RWDD3: variants seen among roughly 807,000 people sequenced by gnomAD.
The protein encoded by RWDD3 is RWD domain-containing protein 3.
A neutral mutation model predicts 26.5 loss-of-function variants in RWDD3; 30 were observed. That is an observed-to-expected ratio of 1.13 (90% CI 0.85 to 1.54). The LOEUF (loss-of-function observed/expected upper bound fraction) is 1.54. Among genes scored for constraint, RWDD3 ranks in the 40% most tolerant of loss-of-function variants. The pLI, the probability that RWDD3 is intolerant of heterozygous loss-of-function variation, is 0.00. For missense variants in RWDD3, 296 were observed against 309.1 expected (o/e 0.96, Z 0.32); for synonymous variants, 113 against 114.5 (o/e 0.99, Z 0.09).
intron 1 of RWDD3, among the ~76,000 whole-genome samples, chr1:95,236,052 C>T (rs929043167): frequency 1.4e-4 from 21 of 152,148 alleles, no homozygotes; most frequent in Middle Eastern, 3.4e-3. Flanking sequence ...CTAGGCCTGG[C>T]GCGTGGCTCA....
chr1:95,240,034 G>A, intron 1 of RWDD3: 1 of 875,818 alleles, frequency 1.1e-6, no homozygotes, highest in Non-Finnish European at 1.6e-6. Flanking sequence ...TTCTTTTGTA[G>A]TAAAATCTCT....
At chr1:95,242,017 CT>C (rs1680650562) in intron 1 of RWDD3, among the ~76,000 whole-genome samples, 2 of 152,192 alleles carry the variant, frequency 1.3e-5, no homozygotes, top group Non-Finnish European at 2.9e-5. Context: ...GATTCGGCTG[CT>C]TTCAGCCAAA....
chr1:95,246,978 C>G lies in RWDD3; in HGVS notation c.*108C>G. The G allele has an allele frequency of 5.3e-6, 3 of 561,076 alleles. No individual in the cohort carries two copies. Among genetic ancestry groups the G allele is most frequent in the Admixed American group, 7.5e-5 (2 of 26,562 alleles). The allele number at this position is 561,076 out of a possible 1,614,324, so 34.8% of individuals were successfully genotyped here. On this transcript the variant is annotated 3_prime_UTR_variant, in exon 4 of 4. Coordinates refer to ENST00000370202, the MANE Select transcript of RWDD3 (RefSeq NM_015485.5). ...AGTCAATTTTAAAGTTTCTCTGAAG[C>G]AAAATGATAGGCATCATTCTAACTT...
At chr1:95,237,071 A>C (rs565755151) in intron 1 of RWDD3, among the ~76,000 whole-genome samples, 1 of 152,264 alleles carries the variant, frequency 6.6e-6, no homozygotes, top group South Asian at 2.1e-4. Context: ...AACTTAGGAC[A>C]TTTTGTTGCT....
In RWDD3 at chr1:95,246,782, A is replaced by T; in HGVS notation, c.716A>T (p.Tyr239Phe). 6.4e-7 allele frequency: 1 copy of T among 1,568,252 alleles called. No homozygotes were observed. Among genetic ancestry groups the T allele is most frequent in the South Asian group, 1.2e-5 (1 of 83,420 alleles). ...TTTCTGGCATTTGAAGTCAAAGAGT[A>T]TTCAGCGTTGGATGAATTACAAAAG... ...KRFLAFEVKE[Y>F]SALDELQKEF... The change falls in exon 4 of 4, where the codon TAT (tyrosine) becomes TTT (phenylalanine). Residue 239 changes from tyrosine (Y) to phenylalanine (F), a missense_variant. By Grantham distance (22) the Tyr-to-Phe change is conservative. Coordinates refer to ENST00000370202, the MANE Select transcript of RWDD3 (RefSeq NM_015485.5).
chr1:95,236,921 A>C (rs1368204599), intron 1 of RWDD3, among the ~76,000 whole-genome samples: 2 of 152,226 alleles, frequency 1.3e-5, no homozygotes, highest in Non-Finnish European at 2.9e-5. Context: ...GAAAGAAAAC[A>C]GTTTCTTAAT....
At chr1:95,242,641 G>A (rs1012190155) in intron 1 of RWDD3, among the ~76,000 whole-genome samples, 2 of 152,124 alleles carry the variant, frequency 1.3e-5, no homozygotes, top group African/African-American at 4.8e-5. Flanking sequence ...TAGTTAGGCC[G>A]GGTGCGGTGG....
chr1:95,238,494 T>G (rs906705973), intron 1 of RWDD3, among the ~76,000 whole-genome samples: 1 of 151,906 alleles, frequency 6.6e-6, no homozygotes, highest in African/African-American at 2.4e-5. Flanking sequence ...CACTGGTGTA[T>G]GCTTGCCTGG....
Position 95,244,401 on chromosome 1 carries a change from G to A in RWDD3, c.276G>A (p.Glu92=). The A allele has an allele frequency of 6.2e-7, 1 of 1,614,182 alleles. No homozygotes were observed. Among genetic ancestry groups the A allele is most frequent in the Middle Eastern group, 1.6e-4 (1 of 6,062 alleles). Residue 92 remains glutamate (E), a synonymous_variant, in exon 2 of 4, where the codon GAG becomes GAA. Coordinates refer to ENST00000370202, the MANE Select transcript of RWDD3 (RefSeq NM_015485.5). The stretch of plus-strand genomic sequence containing the variant: ...AAGAGAATTTACTTGAGCAAGCAGA[G>A]AGCCTTTTGTCGGAGCCTATGGTTC... The part of the protein sequence containing the change: ...TVKENLLEQA[E]SLLSEPMVHE...
At position 95,244,327 on chromosome 1, in the gene RWDD3, A is replaced by G. The variant is rs1351843134; in HGVS notation, c.202A>G (p.Ile68Val). 2 of 1,614,198 alleles carry G rather than the reference A, an allele frequency of 1.2e-6. No individual in the cohort carries two copies. Among genetic ancestry groups the G allele is most frequent in the African/African-American group, 2.7e-5 (2 of 75,048 alleles). Reference protein sequence around the residue: ...PVNYPSCLPGISINSEQLTRA... With the variant: ...PVNYPSCLPGVSINSEQLTRA... ...CAATTATCCTTCATGTCTACCTGGT[A>G]TCTCGATTAACTCTGAACAGTTGAC... The change falls in exon 2 of 4, where the codon ATC (isoleucine) becomes GTC (valine). Residue 68 changes from isoleucine (I) to valine (V), a missense_variant. Physicochemically the swap from Ile to Val is conservative, Grantham distance 29. Coordinates refer to ENST00000370202, the MANE Select transcript of RWDD3 (RefSeq NM_015485.5).
rs751774407 is a variant in RWDD3 at position 95,246,844 on chromosome 1, G to T, written c.778G>T (p.Glu260Ter). 2.6e-6 allele frequency: 4 copies of T among 1,549,242 alleles called. No homozygotes were observed. The highest frequency in any genetic ancestry group is 3.5e-6 in the Non-Finnish European group (4 of 1,151,532). ...ETAGLKKLFS[E>*]FVLALVK ...TGCAGGACTTAAGAAGCTTTTCTCC[G>T]AATTTGTACTTGCTCTGGTAAAATG... Residue 260 changes from glutamate to a stop codon, truncating the protein, a stop_gained, in exon 4 of 4, where the codon GAA becomes TAA. Transcript: ENST00000370202. LOFTEE classifies it high-confidence loss of function.
chr1:95,245,938 G>T (rs1315766662), intron 2 of RWDD3: 1 of 151,930 alleles, frequency 6.6e-6, no homozygotes, highest in Non-Finnish European at 1.5e-5. Flanking sequence ...TTTTTTAGGA[G>T]ATCTTTTTTC....
chr1:95,244,498 G>A lies in RWDD3; in HGVS notation c.373G>A (p.Glu125Lys), dbSNP rs1557722626. ...CCAACCAGAAACTGGCAGTGGCAGT[G>A]AAAAGTGTACTTTTTCAACAAGCAC... ...LSQPETGSGS[E>K]KCTFSTSTTM... The change falls in exon 2 of 4, where the codon GAA becomes AAA. Residue 125 changes from glutamate to lysine, a missense_variant. Physicochemically the swap from Glu to Lys is moderately conservative, Grantham distance 56. Coordinates refer to ENST00000370202, the MANE Select transcript of RWDD3 (RefSeq NM_015485.5). The A allele has an allele frequency of 1.2e-6, 2 of 1,614,162 alleles. No homozygotes were observed. Among genetic ancestry groups the A allele is most frequent in the Non-Finnish European group, 1.7e-6 (2 of 1,180,022 alleles).
chr1:95,242,438 T>C (rs1413380789), intron 1 of RWDD3, among the ~76,000 whole-genome samples: 1 of 152,190 alleles, frequency 6.6e-6, no homozygotes, highest in Non-Finnish European at 1.5e-5. Flanking sequence ...TGATTGAAGA[T>C]CTTTAAAAGT....
At chr1:95,242,255 T>G (rs1438257028) in intron 1 of RWDD3, among the ~76,000 whole-genome samples, 1 of 152,212 alleles carries the variant, frequency 6.6e-6, no homozygotes, top group African/African-American at 2.4e-5. Context: ...AATGTTTAGG[T>G]GTAGAAGAGA....
Position 95,236,258 on chromosome 1 carries a change from G to A in RWDD3, c.85+1943G>A, listed in dbSNP as rs532377707. ...GGAGAATCACTTGAACCCGGGAGGCGGAGGTTGCAGTGAGCCAAGATCTCA... is the reference window on the plus strand; with the variant it reads ...GGAGAATCACTTGAACCCGGGAGGCAGAGGTTGCAGTGAGCCAAGATCTCA... On this transcript the variant is annotated intron_variant, in intron 1 of 3. Coordinates refer to ENST00000370202, the MANE Select transcript of RWDD3 (RefSeq NM_015485.5). 1.5e-4 allele frequency among the ~76,000 whole-genome samples: 23 copies of A among 151,932 alleles called. 1 individual carries two copies. In the South Asian group the frequency reaches 3.3e-3, roughly 22 times the overall value.
chr1:95,234,696 G>GC (rs538071433), intron 1 of RWDD3, among the ~76,000 whole-genome samples: 8 of 151,212 alleles, frequency 5.3e-5, no homozygotes, highest in Admixed American at 1.3e-4. Flanking sequence ...TATGCCCTAG[G>GC]CCCCCCCGAG....
Position 95,246,977 on chromosome 1 carries a change from G to A in RWDD3, c.*107G>A. The A allele has an allele frequency of 1.8e-6, 1 of 567,904 alleles. No individual in the cohort carries two copies. The highest frequency in any genetic ancestry group is 3.0e-6 in the Non-Finnish European group (1 of 338,836). 35.2% of individuals were successfully genotyped at this position (567,904 alleles called of 1,614,324 possible). ...TAGTCAATTTTAAAGTTTCTCTGAA[G>A]CAAAATGATAGGCATCATTCTAACT... On this transcript the variant is annotated 3_prime_UTR_variant, in exon 4 of 4. Coordinates refer to ENST00000370202, the MANE Select transcript of RWDD3 (RefSeq NM_015485.5).
At position 95,244,454 on chromosome 1, in the gene RWDD3, A is replaced by G; in HGVS notation, c.329A>G (p.Asn110Ser). 2 of 1,614,204 alleles carry G rather than the reference A, an allele frequency of 1.2e-6. No homozygotes were observed. Among genetic ancestry groups the G allele is most frequent in the Non-Finnish European group, 1.7e-6 (2 of 1,180,026 alleles). The change falls in exon 2 of 4, where the codon AAT becomes AGT. Residue 110 changes from asparagine to serine, a missense_variant. Transcript: ENST00000370202. ...VHELVLWIQQ[N>S]LRHILSQPET... Reference sequence around the variant, plus strand: ...GAGCTGGTTCTCTGGATTCAGCAGAATCTCAGGCATATCCTCAGCCAACCA... The same window carrying G: ...GAGCTGGTTCTCTGGATTCAGCAGAGTCTCAGGCATATCCTCAGCCAACCA...
Sources: gnomAD v4.1 joint callset for allele counts (sites outside exome capture counted in the v4.1 genomes callset) on GRCh38, gnomAD v4.1.1 for gene constraint, MANE v1.5 for transcripts, NCBI Gene and HGNC (gene_info 2026-07-23, HGNC 2026-07-21) for gene names.